Variants in CNBD1 observed in about 807,000 individuals in gnomAD.
The protein encoded by CNBD1 is cyclic nucleotide-binding domain-containing protein 1.
CNBD1 carries 71 observed loss-of-function variants against 54.4 expected under a neutral mutation model. The ratio of observed to expected loss-of-function variants is 1.30; its 90% confidence interval spans 1.08 to 1.59. CNBD1 has a LOEUF of 1.59. Among genes scored for constraint, CNBD1 ranks in the 40% most tolerant of loss-of-function variants. The pLI is 0.00. For missense variants in CNBD1, 659 were observed against 518.0 expected (o/e 1.27, Z -2.64); for synonymous variants, 182 against 170.7 (o/e 1.07, Z -0.51).
intron 2 of CNBD1, among the ~76,000 whole-genome samples, chr8:87,413,046 G>T (rs1807775203): frequency 6.6e-6 from 1 of 151,904 alleles, no homozygotes; most frequent in Non-Finnish European, 1.5e-5. Flanking sequence ...ATATAGGAGG[G>T]TATGTATTCT....
intron 5 of CNBD1, among the ~76,000 whole-genome samples, chr8:87,210,741 G>A (rs1411305729): frequency 6.6e-6 from 1 of 152,198 alleles, no homozygotes; most frequent in African/African-American, 2.4e-5. Context: ...ATTTCAATGG[G>A]TGTATGAGAA....
intron 10 of CNBD1, among the ~76,000 whole-genome samples, chr8:87,359,939 C>A (rs1041754713): frequency 6.6e-6 from 1 of 151,944 alleles, no homozygotes; most frequent in South Asian, 2.1e-4. Context: ...GGTTATGTTG[C>A]CTTCACTTTC....
intron 10 of CNBD1, among the ~76,000 whole-genome samples, chr8:87,368,311 G>A (rs1164364149): frequency 2.0e-5 from 3 of 151,912 alleles, no homozygotes; most frequent in African/African-American, 7.2e-5. Context: ...GTTTTGGAAG[G>A]GCAGACTAGA....
At chr8:86,932,861 T>A (rs1326808836) in intron 3 of CNBD1, among the ~76,000 whole-genome samples, 1 of 152,010 alleles carries the variant, frequency 6.6e-6, no homozygotes, top group Non-Finnish European at 1.5e-5. Flanking sequence ...CCCAATAACC[T>A]GCAATGGTCC....
chr8:86,958,560 T>C (rs1807840179), intron 4 of CNBD1, among the ~76,000 whole-genome samples: 1 of 152,256 alleles, frequency 6.6e-6, no homozygotes, highest in South Asian at 2.1e-4. Context: ...TCTTGTTGAA[T>C]TGATCTCTTT....
At chr8:87,337,218 G>A (rs926076342) in intron 8 of CNBD1, among the ~76,000 whole-genome samples, 11 of 152,146 alleles carry the variant, frequency 7.2e-5, no homozygotes, top group African/African-American at 2.7e-4. Context: ...AGGCACTTTG[G>A]CTGTCCCTTG....
intron 4 of CNBD1, among the ~76,000 whole-genome samples, chr8:87,077,517 C>A (rs1322771922): frequency 6.8e-6 from 1 of 147,800 alleles, no homozygotes; most frequent in Non-Finnish European, 1.5e-5. Context: ...CCCATTAACT[C>A]GTCATTTACA....
At position 87,258,835 on chromosome 8, in the gene CNBD1, T is replaced by A. The variant is rs897163008; in HGVS notation, c.771+21723T>A. Among the ~76,000 whole-genome samples the A allele has an allele frequency of 4.6e-5, 7 of 152,316 alleles. No homozygotes were observed. The East Asian group carries it at 1.4e-3, about 29-fold the overall frequency. On this transcript the variant is annotated intron_variant, in intron 6 of 10. Coordinates refer to ENST00000518476, the MANE Select transcript of CNBD1 (RefSeq NM_173538.3). ...AAACCCTGTTGTGCTTTTATTTACA[T>A]GTCCAATTTACTGAAAAACAAATAA...
At chr8:87,141,760 T>C (rs930755992) in intron 4 of CNBD1, among the ~76,000 whole-genome samples, 2 of 152,102 alleles carry the variant, frequency 1.3e-5, no homozygotes, top group Non-Finnish European at 2.9e-5. Context: ...AAAGGTCCTA[T>C]AGGAGCACTC....
intron 10 of CNBD1, among the ~76,000 whole-genome samples, chr8:87,360,485 TG>T: frequency 6.6e-6 from 1 of 151,990 alleles, no homozygotes; most frequent in African/African-American, 2.4e-5. Context: ...CTACTGAGAA[TG>T]TAGTTTATTA....
intron 4 of CNBD1, among the ~76,000 whole-genome samples, chr8:86,943,952 A>G (rs1807401826): frequency 6.6e-6 from 1 of 152,122 alleles, no homozygotes; most frequent in South Asian, 2.1e-4. Flanking sequence ...ATCAGTTACA[A>G]CTACTTGCAT....
intron 4 of CNBD1, among the ~76,000 whole-genome samples, chr8:87,119,445 A>G (rs1215041026): frequency 6.6e-6 from 1 of 151,686 alleles, no homozygotes; most frequent in African/African-American, 2.4e-5. Flanking sequence ...CTGCAACTTT[A>G]CTCACTTCAC....
At chr8:87,136,472 C>G (rs1298348384) in intron 4 of CNBD1, among the ~76,000 whole-genome samples, 2 of 137,954 alleles carry the variant, frequency 1.4e-5, no homozygotes, top group Non-Finnish European at 3.0e-5. Context: ...GAGCAAGAAG[C>G]ATACATTTTG....
At chr8:86,968,427 G>C (rs1238206000) in intron 4 of CNBD1, among the ~76,000 whole-genome samples, 1 of 152,102 alleles carries the variant, frequency 6.6e-6, no homozygotes, top group East Asian at 1.9e-4. Flanking sequence ...GAATAAAAAT[G>C]TATTTTCTCT....
intron 5 of CNBD1, among the ~76,000 whole-genome samples, chr8:87,228,029 G>A (rs905369160): frequency 4.3e-4 from 65 of 151,522 alleles, no homozygotes; most frequent in African/African-American, 1.3e-3. Flanking sequence ...CCAGTTGATC[G>A]CATCGGCTCC....
chr8:87,042,366 G>T (rs182614559), intron 4 of CNBD1, among the ~76,000 whole-genome samples: 1 of 152,142 alleles, frequency 6.6e-6, no homozygotes. Flanking sequence ...GTCTTGAAAA[G>T]AACTGCCTGC....
At chr8:87,319,974 A>C (rs1238665472) in intron 8 of CNBD1, among the ~76,000 whole-genome samples, 5 of 152,070 alleles carry the variant, frequency 3.3e-5, no homozygotes, top group African/African-American at 1.2e-4. Context: ...CTATTTTAAA[A>C]TGATCTGAAT....
At chr8:87,426,309 G>A (rs953090688) in intron 2 of CNBD1, among the ~76,000 whole-genome samples, 12 of 152,168 alleles carry the variant, frequency 7.9e-5, no homozygotes, top group East Asian at 1.9e-4. Context: ...GCTGTAGACC[G>A]GAGCTGTTCC....
chr8:86,939,243 C>A (rs574410368), intron 3 of CNBD1, among the ~76,000 whole-genome samples: 3 of 151,668 alleles, frequency 2.0e-5, no homozygotes, highest in Non-Finnish European at 4.4e-5. Flanking sequence ...CACTGAAAAA[C>A]AAATGTGTGA....
Sources: gnomAD v4.1 joint callset for allele counts (sites outside exome capture counted in the v4.1 genomes callset) on GRCh38, gnomAD v4.1.1 for gene constraint, MANE v1.5 for transcripts, NCBI Gene and HGNC (gene_info 2026-07-23, HGNC 2026-07-21) for gene names.